ADAM12: variants seen among roughly 807,000 people sequenced by gnomAD.
ADAM12 encodes ADAM metallopeptidase domain 12.
In ADAM12, 70 loss-of-function variants were observed where a neutral mutation model predicts 106.4. That is an observed-to-expected ratio of 0.66 (90% CI 0.54 to 0.80). ADAM12 has a LOEUF of 0.80. ADAM12 is among the 30% of genes least tolerant of loss of function. The pLI is 0.00. For missense variants in ADAM12, 1,010 were observed against 1,171.9 expected (o/e 0.86, Z 2.02); for synonymous variants, 420 against 433.5 (o/e 0.97, Z 0.39).
At chr10:126,332,604 C>T (rs1353245979) in intron 1 of ADAM12, among the ~76,000 whole-genome samples, 3 of 152,190 alleles carry the variant, frequency 2.0e-5, no homozygotes, top group Admixed American at 1.3e-4. Flanking sequence ...GCCAGGAAAG[C>T]CCCCCTTTTT....
At chr10:126,131,125 T>C (rs1217891731) in intron 5 of ADAM12, among the ~76,000 whole-genome samples, 1 of 76,738 alleles carries the variant, frequency 1.3e-5, no homozygotes, top group Non-Finnish European at 2.7e-5. Flanking sequence ...TTTTTTTTTT[T>C]TTTTTTTTGG....
chr10:126,226,504 C>G (rs1028782314), intron 3 of ADAM12, among the ~76,000 whole-genome samples: 1 of 152,186 alleles, frequency 6.6e-6, no homozygotes, highest in Admixed American at 6.5e-5. Flanking sequence ...CACAAGAGGA[C>G]TGGGATTGGG....
chr10:126,186,217 T>A (rs951399970), intron 3 of ADAM12, among the ~76,000 whole-genome samples: 1 of 152,166 alleles, frequency 6.6e-6, no homozygotes. Context: ...AGGCTTACCA[T>A]GTTGTAATCC....
At chr10:126,243,489 ATG>A (rs57227903) in intron 3 of ADAM12, among the ~76,000 whole-genome samples, 2,230 of 146,914 alleles carry the variant, frequency 0.015, 29 homozygotes, top group African/African-American at 0.031. Context: ...GTGTGAGTGT[ATG>A]TGTGTGTGTG....
intron 3 of ADAM12, among the ~76,000 whole-genome samples, chr10:126,232,879 C>T (rs991405462): frequency 1.3e-5 from 2 of 152,066 alleles, no homozygotes; most frequent in African/African-American, 4.8e-5. Flanking sequence ...AGAAATTCCA[C>T]AGGATGGGGA....
chr10:126,054,867 G>T (rs944252971), intron 14 of ADAM12, among the ~76,000 whole-genome samples: 1 of 152,114 alleles, frequency 6.6e-6, no homozygotes, highest in Non-Finnish European at 1.5e-5. Flanking sequence ...AGGGCTGGGG[G>T]TGTGTGTGGG....
intron 1 of ADAM12, among the ~76,000 whole-genome samples, chr10:126,352,575 T>G (rs1290974301): frequency 6.6e-6 from 1 of 152,244 alleles, no homozygotes; most frequent in African/African-American, 2.4e-5. Flanking sequence ...GGACCACAGC[T>G]GGTCAGCGTT....
At position 126,053,690 on chromosome 10, in the gene ADAM12, G is replaced by A. The variant is rs542985234; in HGVS notation, c.1610-4021C>T. On this transcript the variant is annotated intron_variant, in intron 14 of 22. Coordinates refer to ENST00000448723, the MANE Select transcript of ADAM12 (RefSeq NM_001288973.2). The surrounding 1 kb of genome is among the most constrained non-coding windows in gnomAD (Gnocchi z 4.6). The stretch of plus-strand genomic sequence containing the variant: ...CGTGGAACAATTTTACTGAGATGAC[G>A]TTTCCTTTGGTCTCAGTCTTTTTAT... Among the ~76,000 whole-genome samples the A allele has an allele frequency of 2.1e-3, 325 of 151,832 alleles. 1 individual carries two copies. Among genetic ancestry groups the A allele is most frequent in the Non-Finnish European group, 3.9e-3 (266 of 67,920 alleles).
At chr10:126,338,648 C>A (rs1854805956) in intron 1 of ADAM12, among the ~76,000 whole-genome samples, 1 of 152,152 alleles carries the variant, frequency 6.6e-6, no homozygotes, top group African/African-American at 2.4e-5. Context: ...AGGTTTTTCT[C>A]AAAGTTGCCT....
intron 3 of ADAM12, among the ~76,000 whole-genome samples, chr10:126,269,205 G>A (rs1301953852): frequency 1.3e-5 from 2 of 152,130 alleles, no homozygotes; most frequent in Admixed American, 6.5e-5. Context: ...GTTTTGGTGG[G>A]TTTTAGCCAG....
chr10:126,219,509 A>C (rs1400738421), intron 3 of ADAM12, among the ~76,000 whole-genome samples: 1 of 152,222 alleles, frequency 6.6e-6, no homozygotes, highest in Non-Finnish European at 1.5e-5. Flanking sequence ...CATTTTATAG[A>C]GAAAAGGAAT....
chr10:126,185,174 G>T (rs1957378380), intron 3 of ADAM12, among the ~76,000 whole-genome samples: 1 of 152,228 alleles, frequency 6.6e-6, no homozygotes, highest in Admixed American at 6.5e-5. Flanking sequence ...TGGGGTTGTT[G>T]CTTCATCTAA....
chr10:126,156,487 C>G (rs559503607), intron 3 of ADAM12, among the ~76,000 whole-genome samples: 3 of 152,208 alleles, frequency 2.0e-5, no homozygotes, highest in African/African-American at 7.2e-5. Flanking sequence ...AATTCTGTAA[C>G]GGGGATCTTG....
chr10:126,355,975 G>A (rs890499653), intron 1 of ADAM12, among the ~76,000 whole-genome samples: 7 of 152,170 alleles, frequency 4.6e-5, no homozygotes, highest in African/African-American at 1.4e-4. Context: ...GGCTCTACTT[G>A]AAGGCTCCAC....
chr10:126,353,524 G>C (rs1855432691), intron 1 of ADAM12, among the ~76,000 whole-genome samples: 1 of 152,138 alleles, frequency 6.6e-6, no homozygotes, highest in South Asian at 2.1e-4. Flanking sequence ...GCACAGACAG[G>C]CACTCAATGA....
At chr10:126,352,556 G>A (rs1224248523) in intron 1 of ADAM12, among the ~76,000 whole-genome samples, 1 of 152,216 alleles carries the variant, frequency 6.6e-6, no homozygotes, top group Non-Finnish European at 1.5e-5. Flanking sequence ...GGTACTATAT[G>A]AACTGCTTGG....
intron 11 of ADAM12, among the ~76,000 whole-genome samples, chr10:126,078,517 G>A (rs1297231994): frequency 6.6e-6 from 1 of 152,154 alleles, no homozygotes; most frequent in Non-Finnish European, 1.5e-5. Context: ...GAACTGTGCA[G>A]TCCAAGGCTG....
At chr10:126,337,585 G>A (rs1854752526) in intron 1 of ADAM12, among the ~76,000 whole-genome samples, 1 of 152,186 alleles carries the variant, frequency 6.6e-6, no homozygotes, top group Non-Finnish European at 1.5e-5. Context: ...TCCAGCCTGG[G>A]AAAGGGCGGG....
At chr10:126,093,167 T>C (rs1014086120) in intron 11 of ADAM12, among the ~76,000 whole-genome samples, 11 of 152,190 alleles carry the variant, frequency 7.2e-5, no homozygotes, top group African/African-American at 2.7e-4. Context: ...ATAAAGAAGA[T>C]AGCATTGTAT....
Sources: gnomAD v4.1 joint callset for allele counts (sites outside exome capture counted in the v4.1 genomes callset) on GRCh38, gnomAD v4.1.1 for gene constraint, Gnocchi (gnomAD v3.1) non-coding constraint, MANE v1.5 for transcripts, NCBI Gene and HGNC (gene_info 2026-07-23, HGNC 2026-07-21) for gene names.